Variants in KLHL7 observed in about 807,000 individuals in gnomAD.
KLHL7 encodes the protein kelch like family member 7.
In KLHL7, 44 loss-of-function variants were observed where a neutral mutation model predicts 67.4. The ratio of observed to expected loss-of-function variants is 0.65; its 90% CI spans 0.51 to 0.84. The LOEUF is 0.84. Among genes scored for constraint, KLHL7 ranks in the 40% least tolerant of loss-of-function variants. KLHL7 has a pLI of 0.00. For synonymous variants in KLHL7, 252 were observed against 243.3 expected (o/e 1.04, Z -0.33); for missense variants, 362 against 718.1 (o/e 0.50, Z 5.67).
At chr7:23,169,918 A>G (rs1785106134) in intron 9 of KLHL7, among the ~76,000 whole-genome samples, 1 of 152,176 alleles carries the variant, frequency 6.6e-6, no homozygotes, top group Admixed American at 6.5e-5. Flanking sequence ...CCTTTTAAAA[A>G]TGTTACCTAG....
intron 1 of KLHL7, among the ~76,000 whole-genome samples, chr7:23,119,849 T>C (rs1371276415): frequency 6.6e-6 from 1 of 152,160 alleles, no homozygotes; most frequent in Non-Finnish European, 1.5e-5. Flanking sequence ...TCCATATTTA[T>C]CTTATTTGTG....
intron 1 of KLHL7, among the ~76,000 whole-genome samples, chr7:23,121,106 G>C (rs1276488785): frequency 6.6e-6 from 1 of 152,082 alleles, no homozygotes; most frequent in African/African-American, 2.4e-5. Flanking sequence ...TCTGTTCCTA[G>C]CTTATTTCAA....
At chr7:23,170,105 T>C (rs758252764) in intron 9 of KLHL7, among the ~76,000 whole-genome samples, 1 of 152,180 alleles carries the variant, frequency 6.6e-6, no homozygotes, top group Non-Finnish European at 1.5e-5. Context: ...TCCCAGCTAT[T>C]CAGGAGGCTG....
At chr7:23,139,413 G>C (rs1164858973) in intron 4 of KLHL7, among the ~76,000 whole-genome samples, 1 of 152,158 alleles carries the variant, frequency 6.6e-6, no homozygotes, top group East Asian at 1.9e-4. Context: ...CACCTTTTGT[G>C]ATTTCAGTAG....
chr7:23,125,909 T>C, intron 4 of KLHL7: 1 of 1,445,168 alleles, frequency 6.9e-7, no homozygotes, highest in Non-Finnish European at 9.5e-7. Context: ...CCCCAGTGAA[T>C]GCCTGAAACT....
chr7:23,138,656 G>A (rs1445059566), intron 4 of KLHL7, among the ~76,000 whole-genome samples: 3 of 151,738 alleles, frequency 2.0e-5, no homozygotes, highest in Non-Finnish European at 4.4e-5. Flanking sequence ...TCCTGCCTCA[G>A]CCTCCTGAGT....
At chr7:23,156,018 C>G (rs755901453) in intron 7 of KLHL7, 6 of 466,828 alleles carry the variant, frequency 1.3e-5, no homozygotes, top group Non-Finnish European at 2.7e-5. Flanking sequence ...TTCTTCTACA[C>G]GAGCCTGGAA....
At chr7:23,141,576 C>CTAGAAG in intron 5 of KLHL7, among the ~76,000 whole-genome samples, 9 of 152,244 alleles carry the variant, frequency 5.9e-5, no homozygotes, top group African/African-American at 2.2e-4. Flanking sequence ...TGGTTGCAGT[C>CTAGAAG]ATTTGGGAGC....
intron 4 of KLHL7, among the ~76,000 whole-genome samples, chr7:23,131,357 A>G (rs1049572061): frequency 2.0e-5 from 3 of 152,212 alleles, no homozygotes; most frequent in Admixed American, 1.3e-4. Flanking sequence ...ATTTTGGTAG[A>G]AAAAAACTTA....
rs376875728 is a variant in KLHL7, at chr7:23,174,287, C to G, written c.1750C>G (p.Leu584Val). 3.7e-6 allele frequency: 6 copies of G among 1,614,016 alleles called. No homozygotes were observed. The African/African-American group carries it at 6.7e-5, about 18-fold the overall frequency. ...VDTCGANEETLET is the reference protein window; with the variant it reads ...VDTCGANEETVET ...TACTTGTGGAGCAAATGAAGAGACC[C>G]TTGAAACATGAAAAATGAGTGGACT... Residue 584 changes from leucine (L) to valine (V), a missense_variant, in exon 11 of 11, where the codon CTT (leucine) becomes GTT (valine). By Grantham distance (32) the Leu-to-Val change is conservative (BLOSUM62 1). Transcript: ENST00000339077.
chr7:23,120,498 A>G (rs1339518352), intron 1 of KLHL7, among the ~76,000 whole-genome samples: 2 of 152,232 alleles, frequency 1.3e-5, no homozygotes, highest in Admixed American at 6.5e-5. Flanking sequence ...TAATTAGCAT[A>G]TCCATTCTCT....
At chr7:23,151,450 A>G (rs1035275120) in intron 6 of KLHL7, among the ~76,000 whole-genome samples, 1 of 152,218 alleles carries the variant, frequency 6.6e-6, no homozygotes, top group Non-Finnish European at 1.5e-5. Context: ...CATCTAAGAC[A>G]GTGCTTCTCA....
chr7:23,155,341 C>T (rs1784668190), intron 7 of KLHL7, among the ~76,000 whole-genome samples: 1 of 151,422 alleles, frequency 6.6e-6, no homozygotes, highest in Non-Finnish European at 1.5e-5. Flanking sequence ...TTTTTTTTCC[C>T]CAAAGAAAAA....
intron 2 of KLHL7, among the ~76,000 whole-genome samples, chr7:23,124,190 CAAAAAAAAAAAAAAAAA>C (rs149801497): frequency 4.3e-4 from 11 of 25,868 alleles, no homozygotes; most frequent in East Asian, 4.6e-3. Context: ...GACTCTGTCT[CAAAAAAAAAAAAAAAAA>C]AAAAAAAAAA....
chr7:23,136,444 A>C (rs1408050259), intron 4 of KLHL7, among the ~76,000 whole-genome samples: 1 of 152,236 alleles, frequency 6.6e-6, no homozygotes, highest in Non-Finnish European at 1.5e-5. Context: ...TGAGTAACTC[A>C]TAGCATTGCC....
intron 5 of KLHL7, among the ~76,000 whole-genome samples, chr7:23,141,187 C>T (rs1395301753): frequency 2.0e-5 from 3 of 152,184 alleles, no homozygotes; most frequent in Non-Finnish European, 4.4e-5. Context: ...CAAAGAAGTC[C>T]ACTTCCCAAT....
chr7:23,105,831 G>C lies in KLHL7; in HGVS notation c.-196G>C. 1 of 760,288 alleles carries C rather than the reference G, an allele frequency of 1.3e-6. No individual in the cohort carries two copies. The highest frequency in any genetic ancestry group is 2.2e-6 in the Non-Finnish European group (1 of 464,878). 47.1% of individuals were successfully genotyped at this position (760,288 alleles called of 1,614,324 possible). On this transcript the variant is annotated 5_prime_UTR_variant, in exon 1 of 11. Transcript: ENST00000339077. Reference sequence around the variant, plus strand: ...CCCAGTTGGTAGCGTCGCTCCCTGAGCGTTTCTAAGGGGGCCGCCCGGCCT... The same window carrying C: ...CCCAGTTGGTAGCGTCGCTCCCTGACCGTTTCTAAGGGGGCCGCCCGGCCT...
At chr7:23,144,818 C>T (rs1784304661) in intron 6 of KLHL7, among the ~76,000 whole-genome samples, 1 of 151,898 alleles carries the variant, frequency 6.6e-6, no homozygotes, top group Non-Finnish European at 1.5e-5. Context: ...TTGAAGGAGG[C>T]TGGGCACAGT....
At position 23,152,124 on chromosome 7, in the gene KLHL7, C is replaced by T; in HGVS notation, c.851C>T (p.Thr284Ile). 1 of 1,613,778 alleles carries T rather than the reference C, an allele frequency of 6.2e-7. No homozygotes were observed. Among genetic ancestry groups the T allele is most frequent in the Non-Finnish European group, 8.5e-7 (1 of 1,179,720 alleles). ...PEDREELVDG[T>I]RPRRKKHDYR... Reference sequence around the variant, plus strand: ...GACCGAGAAGAACTTGTAGATGGCACAAGACCTAGAAGAAAGAAACATGAC... The same window carrying T: ...GACCGAGAAGAACTTGTAGATGGCATAAGACCTAGAAGAAAGAAACATGAC... Residue 284 changes from threonine to isoleucine, a missense_variant, in exon 7 of 11, where the codon ACA becomes ATA. By Grantham distance (89) the Thr-to-Ile change is moderately conservative. Transcript: ENST00000339077.
Sources: gnomAD v4.1 joint callset for allele counts (sites outside exome capture counted in the v4.1 genomes callset) on GRCh38, gnomAD v4.1.1 for gene constraint, MANE v1.5 for transcripts, NCBI Gene and HGNC (gene_info 2026-07-23, HGNC 2026-07-21) for gene names.